Variants in PRKG1 observed in about 807,000 individuals in gnomAD.
PRKG1 encodes the protein cGMP-dependent protein kinase 1.
PRKG1 carries 35 observed loss-of-function variants against 88.1 expected under a neutral mutation model. That is an observed-to-expected ratio of 0.40 (90% CI 0.30 to 0.53). The LOEUF (loss-of-function observed/expected upper bound fraction) is 0.53. Among genes scored for constraint, PRKG1 ranks in the 20% least tolerant of loss-of-function variants. PRKG1 has a pLI of 0.59. For missense variants in PRKG1, 540 were observed against 839.8 expected (o/e 0.64, Z 4.41); for synonymous variants, 303 against 292.5 (o/e 1.04, Z -0.37).
intron 3 of PRKG1, among the ~76,000 whole-genome samples, chr10:51,582,094 AG>A (rs1288717128): frequency 6.6e-6 from 1 of 152,208 alleles, no homozygotes; most frequent in Non-Finnish European, 1.5e-5. Flanking sequence ...AACTGAAAAA[AG>A]GATTGAATTG....
At chr10:51,418,135 A>G (rs1838296251) in intron 2 of PRKG1, among the ~76,000 whole-genome samples, 1 of 152,212 alleles carries the variant, frequency 6.6e-6, no homozygotes, top group African/African-American at 2.4e-5. Flanking sequence ...AGAAAGCTCA[A>G]TTAATTTATT....
intron 4 of PRKG1, among the ~76,000 whole-genome samples, chr10:51,854,787 T>A (rs1200371322): frequency 6.6e-6 from 1 of 152,156 alleles, no homozygotes; most frequent in Non-Finnish European, 1.5e-5. Flanking sequence ...CTCACTGTTT[T>A]AAAAAATCAT....
At chr10:52,018,060 G>C (rs1456233227) in intron 5 of PRKG1, among the ~76,000 whole-genome samples, 1 of 152,086 alleles carries the variant, frequency 6.6e-6, no homozygotes, top group Non-Finnish European at 1.5e-5. Flanking sequence ...GCCATCCACA[G>C]TTGTCATTTC....
chr10:51,753,876 A>G (rs895996872), intron 3 of PRKG1, among the ~76,000 whole-genome samples: 1 of 152,084 alleles, frequency 6.6e-6, no homozygotes, highest in Non-Finnish European at 1.5e-5. Context: ...TCTCTTTTTC[A>G]TGAAGCTCAT....
intron 7 of PRKG1, among the ~76,000 whole-genome samples, chr10:52,122,477 A>G (rs1847842737): frequency 6.6e-6 from 1 of 152,202 alleles, no homozygotes; most frequent in Non-Finnish European, 1.5e-5. Flanking sequence ...TTACCTTACA[A>G]AATTACATGT....
chr10:51,538,096 C>G (rs1842202612), intron 3 of PRKG1, among the ~76,000 whole-genome samples: 1 of 152,090 alleles, frequency 6.6e-6, no homozygotes, highest in African/African-American at 2.4e-5. Flanking sequence ...CAGGCCTTCC[C>G]TAGTCCAAGG....
At chr10:51,724,789 G>A (rs1430048015) in intron 3 of PRKG1, among the ~76,000 whole-genome samples, 1 of 151,726 alleles carries the variant, frequency 6.6e-6, no homozygotes, top group Non-Finnish European at 1.5e-5. Context: ...CAACTTCCTG[G>A]GCTCTCAATC....
At chr10:52,095,176 G>C (rs904209491) in intron 7 of PRKG1, among the ~76,000 whole-genome samples, 1 of 151,972 alleles carries the variant, frequency 6.6e-6, no homozygotes, top group Admixed American at 6.6e-5. Flanking sequence ...AACATACCAG[G>C]CACTCTGGCC....
intron 1 of PRKG1, among the ~76,000 whole-genome samples, chr10:51,026,461 C>A (rs1843206878): frequency 6.6e-6 from 1 of 152,140 alleles, no homozygotes; most frequent in Admixed American, 6.6e-5. Flanking sequence ...ACTCCCTTCA[C>A]AAGTCCTGCC....
chr10:51,097,575 A>G (rs754514887), intron 1 of PRKG1, among the ~76,000 whole-genome samples: 14 of 152,134 alleles, frequency 9.2e-5, no homozygotes, highest in Non-Finnish European at 1.8e-4. Context: ...CATCTAACAG[A>G]CTGATTAGCA....
intron 2 of PRKG1, among the ~76,000 whole-genome samples, chr10:51,431,687 A>G (rs1263141380): frequency 6.6e-6 from 1 of 152,200 alleles, no homozygotes; most frequent in African/African-American, 2.4e-5. Context: ...ACAAGAATAC[A>G]GAAAACATAG....
chr10:51,018,724 T>C (rs1843098986), intron 1 of PRKG1, among the ~76,000 whole-genome samples: 1 of 152,174 alleles, frequency 6.6e-6, no homozygotes, highest in Non-Finnish European at 1.5e-5. Context: ...TCCAACCCAG[T>C]ATCCCTTTGA....
chr10:52,081,576 C>T (rs760203760), intron 7 of PRKG1: 51 of 456,298 alleles, frequency 1.1e-4, no homozygotes, highest in South Asian at 4.5e-4. Flanking sequence ...CAATACTTAC[C>T]ATATGCCATG....
At chr10:51,087,768 G>C (rs1211353600) in intron 1 of PRKG1, among the ~76,000 whole-genome samples, 2 of 152,090 alleles carry the variant, frequency 1.3e-5, no homozygotes, top group Non-Finnish European at 2.9e-5. Flanking sequence ...TTGGTTTGCT[G>C]TTTTGTTTTG....
chr10:51,335,371 G>GT (rs951478187), intron 2 of PRKG1, among the ~76,000 whole-genome samples: 1 of 151,914 alleles, frequency 6.6e-6, no homozygotes, highest in African/African-American at 2.4e-5. Context: ...ATGAAAGGAG[G>GT]TTTTTCCCAG....
chr10:51,437,339 G>A (rs114166414), intron 2 of PRKG1, among the ~76,000 whole-genome samples: 1,727 of 152,058 alleles, frequency 0.011, 26 homozygotes, highest in African/African-American at 0.039. Flanking sequence ...TCATTAACCA[G>A]GCTCAAATGA....
chr10:52,239,622 TG>T (rs1840804058), intron 9 of PRKG1, among the ~76,000 whole-genome samples: 1 of 146,012 alleles, frequency 6.8e-6, no homozygotes, highest in African/African-American at 2.5e-5. Context: ...AATTAAAAAA[TG>T]GGGAAAATTA....
chr10:52,247,564 A>T (rs1406677371), intron 9 of PRKG1, among the ~76,000 whole-genome samples: 1 of 152,228 alleles, frequency 6.6e-6, no homozygotes, highest in East Asian at 1.9e-4. Context: ...TAATTAATTC[A>T]AATTATCTTC....
chr10:51,186,484 C>G (rs1368487413), intron 2 of PRKG1, among the ~76,000 whole-genome samples: 2 of 151,870 alleles, frequency 1.3e-5, no homozygotes, highest in Admixed American at 6.6e-5. Context: ...TTCATCATCT[C>G]CTTTTGTCTT....
Sources: gnomAD v4.1 joint callset for allele counts (sites outside exome capture counted in the v4.1 genomes callset) on GRCh38, gnomAD v4.1.1 for gene constraint, MANE v1.5 for transcripts, NCBI Gene and HGNC (gene_info 2026-07-23, HGNC 2026-07-21) for gene names.